The following ELF2 variants were observed in gnomAD, a reference collection of about 807,000 sequenced individuals.
ELF2 encodes ETS-related transcription factor Elf-2.
A neutral mutation model predicts 54.8 loss-of-function variants in ELF2; 11 were observed. The ratio of observed to expected loss-of-function variants is 0.20; its 90% confidence interval spans 0.13 to 0.33. The LOEUF is 0.33. ELF2 is among the 10% of genes least tolerant of loss of function. The pLI is 1.00. For missense variants in ELF2, 513 were observed against 703.0 expected, an observed-to-expected ratio of 0.73 and a Z score of 3.06; for synonymous variants, 203 against 245.1, an observed-to-expected ratio of 0.83 and a Z score of 1.61.
intron 4 of ELF2, among the ~76,000 whole-genome samples, chr4:139,119,630 T>A (rs564003971): frequency 6.6e-6 from 1 of 152,240 alleles, no homozygotes. Flanking sequence ...AGGTCTGCAG[T>A]ACTGCCCTGT....
intron 4 of ELF2, among the ~76,000 whole-genome samples, chr4:139,119,525 G>A (rs1223804409): frequency 6.6e-6 from 1 of 152,124 alleles, no homozygotes; most frequent in Non-Finnish European, 1.5e-5. Context: ...ATCTCCCAAG[G>A]TGACTCCCTG....
At chr4:139,148,326 T>C in intron 1 of ELF2, among the ~76,000 whole-genome samples, 1 of 123,184 alleles carries the variant, frequency 8.1e-6, no homozygotes, top group South Asian at 2.9e-4. Flanking sequence ...ATTTTTTTTT[T>C]TTTTTTTTTT....
At chr4:139,064,265 G>A (rs1462377433) in intron 7 of ELF2, among the ~76,000 whole-genome samples, 1 of 152,170 alleles carries the variant, frequency 6.6e-6, no homozygotes, top group Non-Finnish European at 1.5e-5. Context: ...CAGAGATCAC[G>A]CCACTGCACT....
rs968543480 is a variant in ELF2, at chr4:139,071,773, A to G, written c.526+93T>C. 5 of 1,161,368 alleles carry G rather than the reference A, an allele frequency of 4.3e-6. No homozygotes were observed. In the Middle Eastern group the frequency reaches 9.1e-4, roughly 212 times the overall value. 71.9% of individuals were successfully genotyped at this position (1,161,368 alleles called of 1,614,324 possible). On this transcript the variant is annotated intron_variant, in intron 6 of 9. Coordinates refer to ENST00000686138, the MANE Select transcript of ELF2 (RefSeq NM_001331036.3). ...TTAAGATAACATCAATCTTAAATCTACAGCATATACTACTTTCTATGTCCC... is the reference window on the plus strand; with the variant it reads ...TTAAGATAACATCAATCTTAAATCTGCAGCATATACTACTTTCTATGTCCC...
chr4:139,099,639 A>G (rs1402162857), intron 4 of ELF2, among the ~76,000 whole-genome samples: 1 of 152,106 alleles, frequency 6.6e-6, no homozygotes, highest in African/African-American at 2.4e-5. Flanking sequence ...TCTGGAACCC[A>G]TTTCATACAC....
At chr4:139,148,316 ATTTTTTTTTTTTTTTTT>A (rs772079635) in intron 1 of ELF2, among the ~76,000 whole-genome samples, 15 of 64,570 alleles carry the variant, frequency 2.3e-4, no homozygotes, top group African/African-American at 7.4e-4. Flanking sequence ...TACCTGGCTA[ATTTTTTTTTTTTTTTTT>A]TTTTTTTTTT....
In ELF2 at chr4:139,125,313, G is replaced by A; in HGVS notation, c.89C>T (p.Ser30Phe). The change falls in exon 4 of 10, where the codon TCT becomes TTT. Residue 30 changes from serine (S) to phenylalanine (F), a missense_variant. By Grantham distance (155) the Ser-to-Phe change is radical. This residue lies in a region of ELF2 where 203 missense variants were observed against 245.9 expected (regional missense o/e 0.83). Transcript: ENST00000686138. ...VENQEESEKV[S>F]EYPAVIVEPV... is the part of the protein sequence containing the mutation. ...CTCCACAATCACTGCTGGATATTCA[G>A]AAACCTTTTCACTTTCCTATAAGAG... The A allele has an allele frequency of 6.2e-7, 1 of 1,609,020 alleles. No homozygotes were observed. Among genetic ancestry groups the A allele is most frequent in the Non-Finnish European group, 8.5e-7 (1 of 1,178,864 alleles).
chr4:139,154,575 TA>T (rs529132880), intron 1 of ELF2, among the ~76,000 whole-genome samples: 1,683 of 136,256 alleles, frequency 0.012, 19 homozygotes, highest in African/African-American at 0.029. Context: ...CTACAACAAT[TA>T]AAAAAAAAAA....
At chr4:139,064,331 A>G (rs1728357146) in intron 7 of ELF2, among the ~76,000 whole-genome samples, 1 of 152,166 alleles carries the variant, frequency 6.6e-6, no homozygotes, top group Non-Finnish European at 1.5e-5. Context: ...AAAAGAACAG[A>G]AAAGAGTCCT....
At chr4:139,171,017 G>T (rs200871162) in intron 1 of ELF2, among the ~76,000 whole-genome samples, 1 of 151,850 alleles carries the variant, frequency 6.6e-6, no homozygotes, top group Non-Finnish European at 1.5e-5. Flanking sequence ...AAGTGCTGGG[G>T]TTACAGGCAT....
chr4:139,092,673 C>T (rs962854698), intron 4 of ELF2, among the ~76,000 whole-genome samples: 3 of 151,710 alleles, frequency 2.0e-5, no homozygotes, highest in African/African-American at 7.3e-5. Context: ...TGGCGGTGGC[C>T]GCCTGTAGTC....
intron 4 of ELF2, among the ~76,000 whole-genome samples, chr4:139,105,961 A>G (rs980343523): frequency 6.6e-6 from 1 of 152,340 alleles, no homozygotes; most frequent in Non-Finnish European, 1.5e-5. Context: ...CAAATTCTCC[A>G]GTTCTACCAC....
At chr4:139,082,697 G>A (rs1731286060) in intron 4 of ELF2, among the ~76,000 whole-genome samples, 2 of 152,260 alleles carry the variant, frequency 1.3e-5, no homozygotes, top group South Asian at 4.1e-4. Context: ...AACAATGGAT[G>A]GAAGACTGTT....
intron 1 of ELF2, among the ~76,000 whole-genome samples, chr4:139,143,037 C>T (rs1009353386): frequency 6.6e-6 from 1 of 152,146 alleles, no homozygotes; most frequent in Non-Finnish European, 1.5e-5. Context: ...GAATCTGTAT[C>T]CCTATCTAGA....
chr4:139,114,596 C>CACACACA (rs1560826314), intron 4 of ELF2, among the ~76,000 whole-genome samples: 1 of 146,852 alleles, frequency 6.8e-6, no homozygotes, highest in Non-Finnish European at 1.5e-5. Context: ...CACACACACA[C>CACACACA]AATTTAGGAG....
intron 1 of ELF2, among the ~76,000 whole-genome samples, chr4:139,174,019 C>T (rs1449129656): frequency 1.3e-5 from 2 of 149,220 alleles, no homozygotes; most frequent in Non-Finnish European, 3.0e-5. Context: ...GTCAGGAGAT[C>T]GAGACCATCC....
chr4:139,069,573 G>A (rs997398487), intron 6 of ELF2, among the ~76,000 whole-genome samples: 9 of 152,128 alleles, frequency 5.9e-5, no homozygotes, highest in Non-Finnish European at 1.3e-4. Context: ...CCAAAGTCAT[G>A]TTCCTTGATA....
chr4:139,175,912 G>A (rs963969305), intron 1 of ELF2, among the ~76,000 whole-genome samples: 2 of 152,178 alleles, frequency 1.3e-5, no homozygotes, highest in African/African-American at 2.4e-5. Context: ...GCTGGCAGAG[G>A]GAAAAAGATT....
intron 4 of ELF2, among the ~76,000 whole-genome samples, chr4:139,112,540 C>T (rs183784097): frequency 1.3e-5 from 2 of 152,120 alleles, no homozygotes; most frequent in South Asian, 2.1e-4. Flanking sequence ...TTAAAGCATT[C>T]GTATTTGTAC....
Sources: allele counts gnomAD v4.1 joint callset (sites outside exome capture counted in the v4.1 genomes callset), GRCh38; gene constraint gnomAD v4.1.1; regional missense constraint gnomAD v4.1.1; transcripts MANE v1.5; gene names NCBI Gene and HGNC (gene_info 2026-07-23, HGNC 2026-07-21).